CSMD1: variants seen among roughly 807,000 people sequenced by gnomAD.
CSMD1 encodes CUB and Sushi multiple domains 1.
Under a neutral mutation model 417.5 loss-of-function variants are expected in CSMD1, and 213 were observed. The ratio of observed to expected loss-of-function variants is 0.51; its 90% CI spans 0.46 to 0.57. The LOEUF (loss-of-function observed/expected upper bound fraction) is 0.57, where lower values mean the gene tolerates loss of function less well. Among genes scored for constraint, CSMD1 ranks in the 20% least tolerant of loss-of-function variants. The pLI is 0.00. For synonymous variants in CSMD1, 2,862 were observed against 1,736.8 expected, an observed-to-expected ratio of 1.65 and a Z score of -16.11; for missense variants, 6,923 against 4,529.7, an observed-to-expected ratio of 1.53 and a Z score of -15.17.
intron 3 of CSMD1, among the ~76,000 whole-genome samples, chr8:4,112,678 C>G (rs781390551): frequency 1.3e-5 from 2 of 152,094 alleles, no homozygotes; most frequent in Non-Finnish European, 2.9e-5. Flanking sequence ...CAGACAAGCC[C>G]CTATATTTAT....
intron 3 of CSMD1, among the ~76,000 whole-genome samples, chr8:4,225,626 C>G (rs1016929898): frequency 2.4e-4 from 36 of 151,100 alleles, no homozygotes; most frequent in African/African-American, 8.0e-4. Context: ...ATTTTCCTGT[C>G]TGATCTGCAT....
chr8:4,815,292 C>A (rs1247728674), intron 1 of CSMD1, among the ~76,000 whole-genome samples: 1 of 151,986 alleles, frequency 6.6e-6, no homozygotes, highest in Non-Finnish European at 1.5e-5. Context: ...GCATTTGTGT[C>A]CTTCCCTGCT....
At chr8:3,634,915 C>T (rs995760388) in intron 7 of CSMD1, among the ~76,000 whole-genome samples, 5 of 152,138 alleles carry the variant, frequency 3.3e-5, no homozygotes, top group East Asian at 1.9e-4. Flanking sequence ...CAGCCGCTTG[C>T]TCCTAGGCTA....
chr8:3,225,479 G>T (rs1442151939), intron 27 of CSMD1, among the ~76,000 whole-genome samples: 1 of 152,076 alleles, frequency 6.6e-6, no homozygotes, highest in East Asian at 1.9e-4. Context: ...ATCACGCCGG[G>T]GCTGCTGACA....
At chr8:3,000,679 G>C (rs1464966468) in intron 52 of CSMD1, among the ~76,000 whole-genome samples, 2 of 152,132 alleles carry the variant, frequency 1.3e-5, no homozygotes, top group African/African-American at 4.8e-5. Context: ...AAAATGGCCT[G>C]GAATCAGTTG....
chr8:4,785,891 CCAAA>C (rs1430474458), intron 1 of CSMD1, among the ~76,000 whole-genome samples: 1 of 152,042 alleles, frequency 6.6e-6, no homozygotes, highest in Non-Finnish European at 1.5e-5. Flanking sequence ...GGATTTTAAC[CCAAA>C]CAGTGACAGC....
intron 2 of CSMD1, among the ~76,000 whole-genome samples, chr8:4,582,563 C>T (rs890878233): frequency 1.3e-5 from 2 of 152,166 alleles, no homozygotes; most frequent in African/African-American, 4.8e-5. Context: ...CAGTCTCTAG[C>T]AAGCTCCAAA....
At chr8:4,937,984 C>T (rs911377340) in intron 1 of CSMD1, among the ~76,000 whole-genome samples, 2 of 152,028 alleles carry the variant, frequency 1.3e-5, no homozygotes, top group Non-Finnish European at 2.9e-5. Flanking sequence ...GTTTTATTGG[C>T]CTTTGTGACT....
intron 52 of CSMD1, among the ~76,000 whole-genome samples, chr8:3,011,005 C>T (rs1261203382): frequency 1.3e-5 from 2 of 152,080 alleles, no homozygotes; most frequent in African/African-American, 4.8e-5. Flanking sequence ...GGATTACAGG[C>T]GTGAGCCACC....
intron 2 of CSMD1, among the ~76,000 whole-genome samples, chr8:4,554,550 T>G (rs1526334): frequency 0.78 from 118,870 of 152,092 alleles, 46,838 homozygotes; most frequent in Admixed American, 0.85. Flanking sequence ...AATAGTTGAG[T>G]TGTATGGAAG....
At chr8:4,683,147 C>T (rs1415035633) in intron 1 of CSMD1, among the ~76,000 whole-genome samples, 1 of 151,428 alleles carries the variant, frequency 6.6e-6, no homozygotes, top group African/African-American at 2.4e-5. Flanking sequence ...ATGGTCAGTT[C>T]TGATCTGTTA....
chr8:4,238,633 C>G (rs1292783125), intron 3 of CSMD1, among the ~76,000 whole-genome samples: 3 of 152,124 alleles, frequency 2.0e-5, no homozygotes, highest in Non-Finnish European at 4.4e-5. Context: ...AGAATGAAAC[C>G]AATGAGGTCA....
At chr8:3,889,080 C>G (rs974009061) in intron 5 of CSMD1, among the ~76,000 whole-genome samples, 8 of 151,944 alleles carry the variant, frequency 5.3e-5, no homozygotes, top group Non-Finnish European at 1.0e-4. Context: ...CTTTTTTCTG[C>G]TGGTGACCAA....
intron 1 of CSMD1, among the ~76,000 whole-genome samples, chr8:4,645,548 T>A (rs1167408269): frequency 6.8e-6 from 1 of 147,040 alleles, no homozygotes; most frequent in Non-Finnish European, 1.5e-5. Context: ...GCCTTGAACA[T>A]ATTGCCTCAT....
chr8:4,070,412 C>T (rs1471089649), intron 3 of CSMD1, among the ~76,000 whole-genome samples: 2 of 152,182 alleles, frequency 1.3e-5, no homozygotes, highest in Admixed American at 6.5e-5. Flanking sequence ...GGCTGGAGTG[C>T]AGTGGTGGGA....
At chr8:3,076,360 C>G (rs892488144) in intron 49 of CSMD1, among the ~76,000 whole-genome samples, 1 of 152,162 alleles carries the variant, frequency 6.6e-6, no homozygotes, top group Non-Finnish European at 1.5e-5. Context: ...AGGGTTCACC[C>G]TAATGACTAA....
intron 2 of CSMD1, among the ~76,000 whole-genome samples, chr8:4,552,156 T>A (rs984427028): frequency 6.6e-6 from 1 of 152,234 alleles, no homozygotes; most frequent in African/African-American, 2.4e-5. Context: ...ATTGGGATTT[T>A]AAACATCATT....
rs181992478 is a variant in CSMD1, at chr8:3,085,241, T to C, written c.7474+1856A>G. 8.0e-3 allele frequency among the ~76,000 whole-genome samples: 1,211 copies of C among 152,290 alleles called. 12 individuals carry two copies. The highest frequency in any genetic ancestry group is 0.028 in the African/African-American group (1,150 of 41,566). On this transcript the variant is annotated intron_variant, in intron 49 of 69. Transcript: ENST00000635120. ...AAAATAAGTAGTTCAACTGGATTGT[T>C]TTTAAGATCCCTCCAAGTTTAAAGG...
intron 7 of CSMD1, among the ~76,000 whole-genome samples, chr8:3,617,148 T>C (rs1009920866): frequency 1.3e-5 from 2 of 152,160 alleles, no homozygotes; most frequent in African/African-American, 2.4e-5. Flanking sequence ...CGCATACACT[T>C]AGAGAGAAGA....
Sources: gnomAD v4.1 joint callset for allele counts (sites outside exome capture counted in the v4.1 genomes callset) on GRCh38, gnomAD v4.1.1 for gene constraint, MANE v1.5 for transcripts, NCBI Gene and HGNC (gene_info 2026-07-23, HGNC 2026-07-21) for gene names.